The following COL10A1 variants were observed in gnomAD, a reference collection of about 807,000 sequenced individuals.
The protein encoded by COL10A1 is collagen type X alpha 1 chain, also known as collagen alpha-1(X) chain.
Under a neutral mutation model 18.2 loss-of-function variants are expected in COL10A1, and 10 were observed. The observed-to-expected ratio is 0.55, with a 90% CI of 0.34 to 0.93. The LOEUF (loss-of-function observed/expected upper bound fraction) is 0.93, where lower values mean the gene tolerates loss of function less well. COL10A1 is among the 40% of genes least tolerant of loss of function. COL10A1 has a pLI of 0.02. For synonymous variants in COL10A1, 330 were observed against 316.6 expected, an observed-to-expected ratio of 1.04 and a Z score of -0.45; for missense variants, 897 against 853.5, an observed-to-expected ratio of 1.05 and a Z score of -0.64.
At chr6:116,132,138 G>A (rs746706077) in intron 1 of COL10A1, among the ~76,000 whole-genome samples, 125 of 152,240 alleles carry the variant, frequency 8.2e-4, no homozygotes, top group Non-Finnish European at 1.7e-3. Flanking sequence ...ATAACTTTGT[G>A]TGTGGGTGTA....
At chr6:116,146,270 A>T (rs528862268) in intron 1 of COL10A1, among the ~76,000 whole-genome samples, 9 of 152,242 alleles carry the variant, frequency 5.9e-5, no homozygotes, top group Non-Finnish European at 1.0e-4. Context: ...ATCAAAAGTT[A>T]TCTAGGCTTC....
At chr6:116,154,904 A>G (rs78188073) in intron 1 of COL10A1, among the ~76,000 whole-genome samples, 4,429 of 152,272 alleles carry the variant, frequency 0.029, 237 homozygotes, top group African/African-American at 0.1. Context: ...TCTTCATAAG[A>G]TAAAAATAAA....
At chr6:116,138,606 C>T (rs1388754240) in intron 1 of COL10A1, among the ~76,000 whole-genome samples, 1 of 151,920 alleles carries the variant, frequency 6.6e-6, no homozygotes, top group Non-Finnish European at 1.5e-5. Context: ...AAGTGTCAAA[C>T]ATGCTTATTT....
the COL10A1 span, among the ~76,000 whole-genome samples, chr6:116,179,442 G>GA: frequency 1.9e-4 from 29 of 151,172 alleles, no homozygotes; most frequent in African/African-American, 6.5e-4. Context: ...CAAATCAGCA[G>GA]AAAAAAAACA....
chr6:116,120,881 G>A lies in COL10A1; in HGVS notation c.1235C>T (p.Pro412Leu). 6.2e-7 allele frequency: 1 copy of A among 1,613,872 alleles called. No homozygotes were observed. The highest frequency in any genetic ancestry group is 8.5e-7 in the Non-Finnish European group (1 of 1,179,882). ...NPGLPGPKGD[P>L]GVGGPPGLPG... is the part of the protein sequence containing the mutation. ...GAGACCAGGAGGTCCTCCAACTCCA[G>A]GATCACCTTTTGGACCTGGTAACCC... Residue 412 changes from proline to leucine, a missense_variant, in exon 3 of 3, where the codon CCT becomes CTT. Coordinates refer to ENST00000651968, the MANE Select transcript of COL10A1 (RefSeq NM_000493.4).
the COL10A1 span, among the ~76,000 whole-genome samples, chr6:116,167,565 G>A: frequency 2.0e-5 from 3 of 152,048 alleles, no homozygotes; most frequent in Non-Finnish European, 4.4e-5. Context: ...CCAGTTATTT[G>A]TACTGATTTC....
chr6:116,135,863 A>ATGTGTATATATATATATATATGTATG (rs1562132679), intron 1 of COL10A1, among the ~76,000 whole-genome samples: 7 of 124,908 alleles, frequency 5.6e-5, no homozygotes, highest in African/African-American at 1.9e-4. Flanking sequence ...ATATATATAT[A>ATGTGTATATATATATATATATGTATG]TATATATATA....
the COL10A1 span, among the ~76,000 whole-genome samples, chr6:116,216,460 C>T: frequency 2.0e-5 from 3 of 150,998 alleles, no homozygotes; most frequent in African/African-American, 4.9e-5. Context: ...GGAGTAGGGC[C>T]GGGATATGCA....
intron 1 of COL10A1, among the ~76,000 whole-genome samples, chr6:116,146,940 T>C (rs1779912251): frequency 6.7e-6 from 1 of 150,374 alleles, no homozygotes; most frequent in Admixed American, 6.6e-5. Flanking sequence ...AAAAAATAAA[T>C]TATAAAACTA....
At chr6:116,200,711 T>G in the COL10A1 span, among the ~76,000 whole-genome samples, 1 of 151,970 alleles carries the variant, frequency 6.6e-6, no homozygotes, top group Non-Finnish European at 1.5e-5. Flanking sequence ...GGGTGATATT[T>G]AATGTCCTTA....
the COL10A1 span, among the ~76,000 whole-genome samples, chr6:116,210,732 A>G: frequency 6.9e-6 from 1 of 145,314 alleles, no homozygotes; most frequent in Non-Finnish European, 1.6e-5. Flanking sequence ...AGTTAAAACC[A>G]TGGAAATGTT....
chr6:116,141,247 G>C (rs1391767087), intron 1 of COL10A1, among the ~76,000 whole-genome samples: 1 of 150,372 alleles, frequency 6.7e-6, no homozygotes, highest in African/African-American at 2.5e-5. Context: ...TTGTACCTTT[G>C]CCTACTTTTT....
At chr6:116,137,181 G>T in intron 1 of COL10A1, 1 of 184,028 alleles carries the variant, frequency 5.4e-6, no homozygotes, top group Non-Finnish European at 1.3e-5. Context: ...AAAACCCAAA[G>T]GGATGTCTGC....
chr6:116,203,356 C>T, the COL10A1 span, among the ~76,000 whole-genome samples: 9 of 151,840 alleles, frequency 5.9e-5, no homozygotes, highest in Admixed American at 2.6e-4. Context: ...CCCTGCAGTC[C>T]GCCAGAAGCT....
upstream of COL10A1, among the ~76,000 whole-genome samples, chr6:116,163,126 C>CAAAAAAAAA (rs71272373): frequency 1.1e-3 from 94 of 84,290 alleles, 4 homozygotes; most frequent in African/African-American, 6.1e-3. Context: ...GACTCCGTCT[C>CAAAAAAAAA]AAAAAAAAAA....
intron 1 of COL10A1, among the ~76,000 whole-genome samples, chr6:116,139,500 A>G (rs1779709746): frequency 6.6e-6 from 1 of 152,190 alleles, no homozygotes; most frequent in Non-Finnish European, 1.5e-5. Flanking sequence ...CACATTGTAT[A>G]CTACAGTGTA....
the COL10A1 span, among the ~76,000 whole-genome samples, chr6:116,201,017 G>C: frequency 6.6e-6 from 1 of 151,930 alleles, no homozygotes. Context: ...AAGGTACTAT[G>C]GTAGCACCCC....
chr6:116,210,983 G>A, the COL10A1 span, among the ~76,000 whole-genome samples: 26 of 151,994 alleles, frequency 1.7e-4, no homozygotes, highest in African/African-American at 6.3e-4. Context: ...CCTTGAAAAT[G>A]AGCTGGACCT....
chr6:116,122,538 A>G (rs565543820), intron 2 of COL10A1, among the ~76,000 whole-genome samples: 2 of 152,364 alleles, frequency 1.3e-5, no homozygotes, highest in East Asian at 1.9e-4. Flanking sequence ...AGAATTAGAC[A>G]TAATAGGTGA....
Sources: allele counts gnomAD v4.1 joint callset (sites outside exome capture counted in the v4.1 genomes callset), GRCh38; gene constraint gnomAD v4.1.1; transcripts MANE v1.5; gene names NCBI Gene and HGNC (gene_info 2026-07-23, HGNC 2026-07-21).